CNKSR3: variants seen among roughly 807,000 people sequenced by gnomAD.
The protein encoded by CNKSR3 is connector enhancer of kinase suppressor of ras 3.
CNKSR3 carries 36 observed loss-of-function variants against 67.7 expected under a neutral mutation model. The observed-to-expected ratio is 0.53, with a 90% CI of 0.41 to 0.70. The LOEUF (loss-of-function observed/expected upper bound fraction) is 0.70. Ranked by LOEUF, CNKSR3 falls within the 30% of genes least tolerant of loss-of-function variation. The pLI, the probability that CNKSR3 is intolerant of heterozygous loss-of-function variation, is 0.00. For synonymous variants in CNKSR3, 281 were observed against 271.4 expected (o/e 1.04, Z -0.35); for missense variants, 630 against 695.2 (o/e 0.91, Z 1.05).
intron 9 of CNKSR3, among the ~76,000 whole-genome samples, chr6:154,416,499 G>A (rs1165719347): frequency 6.6e-6 from 1 of 152,176 alleles, no homozygotes; most frequent in Non-Finnish European, 1.5e-5. Flanking sequence ...AGAAGCAAAA[G>A]TAAACTAGAA....
At chr6:154,483,616 A>G (rs966456318) in intron 1 of CNKSR3, among the ~76,000 whole-genome samples, 4 of 151,748 alleles carry the variant, frequency 2.6e-5, no homozygotes, top group Non-Finnish European at 5.9e-5. Context: ...GCCAACCCCT[A>G]GGCAGGACAC....
At chr6:154,456,042 T>C (rs1294345400) in intron 1 of CNKSR3, among the ~76,000 whole-genome samples, 2 of 151,976 alleles carry the variant, frequency 1.3e-5, no homozygotes, top group East Asian at 1.9e-4. Context: ...CAAAAAACTA[T>C]GGCTATTCTC....
intron 1 of CNKSR3, among the ~76,000 whole-genome samples, chr6:154,484,451 A>G (rs1177642498): frequency 6.6e-6 from 1 of 152,192 alleles, no homozygotes; most frequent in Non-Finnish European, 1.5e-5. Flanking sequence ...CACGCCTGTA[A>G]TCCCAACGCT....
chr6:154,444,981 T>C (rs1219909139), intron 2 of CNKSR3, among the ~76,000 whole-genome samples: 1 of 151,752 alleles, frequency 6.6e-6, no homozygotes, highest in African/African-American at 2.4e-5. Context: ...TCAAGATACA[T>C]AAAGCATAAA....
intron 1 of CNKSR3, among the ~76,000 whole-genome samples, chr6:154,507,907 G>A (rs1787135132): frequency 6.6e-6 from 1 of 152,138 alleles, no homozygotes. Flanking sequence ...AACATAACAG[G>A]ATGTGATTTT....
intron 6 of CNKSR3, among the ~76,000 whole-genome samples, chr6:154,429,921 CA>C (rs1039506875): frequency 6.6e-6 from 1 of 152,198 alleles, no homozygotes; most frequent in African/African-American, 2.4e-5. Flanking sequence ...CTCTCTGACT[CA>C]AAGCCTCTAA....
At chr6:154,491,354 G>A (rs143248071) in intron 1 of CNKSR3, among the ~76,000 whole-genome samples, 12 of 152,272 alleles carry the variant, frequency 7.9e-5, no homozygotes, top group Middle Eastern at 3.4e-3. Flanking sequence ...CTTGACAAAC[G>A]GTAGGTACTC....
chr6:154,414,152 T>G (rs1784965084), intron 10 of CNKSR3, 147 bp downstream of exon 10: 1 of 786,432 alleles, frequency 1.3e-6, no homozygotes, highest in Admixed American at 3.4e-5. Context: ...AAAATAAGGC[T>G]GATCATACTT....
Position 154,510,395 on chromosome 6 carries a change from T to G in CNKSR3, c.-281A>C, listed in dbSNP as rs1787192233. ...GCTGCTGCTCCCGAGCGACGGCAGCTGCAGGCACGCCGGGCTGCGACCCCA... is the reference window on the plus strand; with the variant it reads ...GCTGCTGCTCCCGAGCGACGGCAGCGGCAGGCACGCCGGGCTGCGACCCCA... On this transcript the variant is annotated 5_prime_UTR_variant, in exon 1 of 13. Coordinates refer to ENST00000607772, the MANE Select transcript of CNKSR3 (RefSeq NM_173515.4). 2 of 494,540 alleles carry G rather than the reference T, an allele frequency of 4.0e-6. No individual in the cohort carries two copies. The highest frequency in any genetic ancestry group is 4.2e-5 in the African/African-American group (2 of 48,008). 30.6% of individuals were successfully genotyped at this position (494,540 alleles called of 1,614,324 possible). A position where few individuals can be genotyped will look rare whatever the true frequency, so the allele number is the denominator to read the frequency against.
chr6:154,406,447 T>C lies in CNKSR3; in HGVS notation c.1575A>G (p.Lys525=), dbSNP rs1784790573. 6.2e-7 allele frequency: 1 copy of C among 1,614,134 alleles called. No homozygotes were observed. The highest frequency in any genetic ancestry group is 8.5e-7 in the Non-Finnish European group (1 of 1,180,034). ...TCGTAGCTGAGGAGCCAGATTTCTT[T>C]TTGGTCCCTTCCTCCTGGAATGGAA... ...ATIPFQEEGT[K]KKSGSSATKS... is the part of the protein sequence containing the mutation. The change falls in exon 13 of 13, where the codon AAA becomes AAG. Residue 525 remains lysine, a synonymous_variant. Coordinates refer to ENST00000607772, the MANE Select transcript of CNKSR3 (RefSeq NM_173515.4).
intron 1 of CNKSR3, among the ~76,000 whole-genome samples, chr6:154,464,137 C>A (rs62432710): frequency 0.16 from 24,286 of 152,128 alleles, 2,349 homozygotes; most frequent in African/African-American, 0.27. Context: ...GGTTTTGTTT[C>A]ATGCTTAATA....
intron 8 of CNKSR3, 47 bp from the exon 9 acceptor site, chr6:154,422,699 A>G (rs1339239771): frequency 1.3e-6 from 2 of 1,597,074 alleles, no homozygotes; most frequent in Non-Finnish European, 1.7e-6. Context: ...ATGAATAACG[A>G]AAAAAACCGA....
intron 1 of CNKSR3, among the ~76,000 whole-genome samples, chr6:154,455,121 C>A (rs553569120): frequency 6.6e-6 from 1 of 151,454 alleles, no homozygotes; most frequent in South Asian, 2.1e-4. Flanking sequence ...CGAGGCCTGG[C>A]CAACATGGTG....
chr6:154,443,408 C>T (rs1204142255), intron 2 of CNKSR3, among the ~76,000 whole-genome samples: 2 of 152,118 alleles, frequency 1.3e-5, no homozygotes, highest in African/African-American at 2.4e-5. Flanking sequence ...AGTACCTCCT[C>T]CCCCGGTGTG....
In CNKSR3 at chr6:154,442,256, A is replaced by G; in HGVS notation, c.251T>C (p.Leu84Ser). ...YGLETDNMKN[L>S]VLKLRASSHN... ...GGAAGATGCTCTCAGTTTCAGAACC[A>G]AGTTCTTCATGTTATCAGTTTCGAG... Residue 84 changes from leucine (L) to serine (S), a missense_variant, in exon 3 of 13, where the codon TTG becomes TCG. By Grantham distance (145) the Leu-to-Ser change is moderately radical (BLOSUM62 -2). Around this residue, in one of 3 missense-constraint regions of CNKSR3, gnomAD observed 189 missense variants for 205.0 expected, o/e 0.92. Coordinates refer to ENST00000607772, the MANE Select transcript of CNKSR3 (RefSeq NM_173515.4). The G allele has an allele frequency of 6.2e-7, 1 of 1,614,146 alleles. No individual in the cohort carries two copies. The highest frequency in any genetic ancestry group is 8.5e-7 in the Non-Finnish European group (1 of 1,179,968).
In CNKSR3 at chr6:154,422,592, A is replaced by G. The variant is rs1785168621; in HGVS notation, c.859T>C (p.Leu287=). The change falls in exon 9 of 13, where the codon TTA becomes CTA. Residue 287 remains leucine, a synonymous_variant. Coordinates refer to ENST00000607772, the MANE Select transcript of CNKSR3 (RefSeq NM_173515.4). The stretch of plus-strand genomic sequence containing the variant: ...CCGGTGGGGCGCTTCTTAAGCAGTA[A>G]CACAACTCCGGTGGGATTCTCTCTC... ...KLRENPTGVV[L]LLKKRPTGSF... The G allele has an allele frequency of 1.9e-6, 3 of 1,613,940 alleles. No individual in the cohort carries two copies. In the East Asian group the frequency reaches 6.7e-5, roughly 36 times the overall value.
At chr6:154,421,485 C>A (rs1046030940) in intron 9 of CNKSR3, among the ~76,000 whole-genome samples, 7 of 152,068 alleles carry the variant, frequency 4.6e-5, no homozygotes, top group African/African-American at 1.7e-4. Context: ...TATAAAAGGG[C>A]ATTATAAGGT....
intron 1 of CNKSR3, among the ~76,000 whole-genome samples, chr6:154,462,393 T>C (rs1004317624): frequency 3.3e-5 from 5 of 152,198 alleles, no homozygotes; most frequent in Admixed American, 6.5e-5. Context: ...CCTGCACATT[T>C]CACATAAACA....
At chr6:154,470,957 G>A (rs1047460293) in intron 1 of CNKSR3, among the ~76,000 whole-genome samples, 2 of 152,072 alleles carry the variant, frequency 1.3e-5, no homozygotes, top group Non-Finnish European at 2.9e-5. Flanking sequence ...ATCATCCATC[G>A]TTTTTAGTAT....
Sources: gnomAD v4.1 joint callset for allele counts (sites outside exome capture counted in the v4.1 genomes callset) on GRCh38, gnomAD v4.1.1 for gene constraint, gnomAD v4.1.1 regional missense constraint, MANE v1.5 for transcripts, NCBI Gene and HGNC (gene_info 2026-07-23, HGNC 2026-07-21) for gene names.